Variants in DPP6 observed in about 807,000 individuals in gnomAD.
The protein encoded by DPP6 is A-type potassium channel modulatory protein DPP6.
A neutral mutation model predicts 122.6 loss-of-function variants in DPP6; 69 were observed. That is an observed-to-expected ratio of 0.56 (90% CI 0.46 to 0.69). The LOEUF (loss-of-function observed/expected upper bound fraction) is 0.69. Among genes scored for constraint, DPP6 ranks in the 30% least tolerant of loss-of-function variants. The pLI is 0.00. For missense variants in DPP6, 928 were observed against 1,116.9 expected (o/e 0.83, Z 2.41); for synonymous variants, 418 against 433.1 (o/e 0.97, Z 0.43).
intron 1 of DPP6, among the ~76,000 whole-genome samples, chr7:154,258,151 GA>G (rs1484489462): frequency 6.7e-6 from 1 of 149,626 alleles, no homozygotes; most frequent in Non-Finnish European, 1.5e-5. Flanking sequence ...GAGGGGAGGC[GA>G]GGGGAGGGGA....
intron 5 of DPP6, among the ~76,000 whole-genome samples, chr7:154,627,658 A>G (rs1835170584): frequency 6.6e-6 from 1 of 152,158 alleles, no homozygotes; most frequent in Non-Finnish European, 1.5e-5. Flanking sequence ...TCTAGGGAGG[A>G]CTGATTCATT....
rs1332367511 is a variant in DPP6, at chr7:154,403,406, T to C, written c.244-42808T>C. On this transcript the variant is annotated intron_variant, in intron 1 of 25. Coordinates refer to ENST00000377770, the MANE Select transcript of DPP6 (RefSeq NM_130797.4). The surrounding 1 kb of genome is among the most constrained non-coding windows in gnomAD (Gnocchi z 4.1). ...GACTGGAGTTGCGGTAGATGCCTCC[T>C]GGGTGTTGAAGAGTCCGAAGGATCC... Among the ~76,000 whole-genome samples the C allele has an allele frequency of 1.3e-5, 2 of 152,160 alleles. No individual in the cohort carries two copies. The highest frequency in any genetic ancestry group is 2.4e-5 in the African/African-American group (1 of 41,428).
At chr7:154,781,017 G>A (rs1328164896) in intron 10 of DPP6, among the ~76,000 whole-genome samples, 1 of 152,066 alleles carries the variant, frequency 6.6e-6, no homozygotes, top group African/African-American at 2.4e-5. Context: ...ATGATGGGTG[G>A]ATGGACGGAT....
At chr7:154,649,813 T>C (rs753794396) in intron 6 of DPP6, among the ~76,000 whole-genome samples, 16 of 152,050 alleles carry the variant, frequency 1.1e-4, no homozygotes, top group Non-Finnish European at 1.9e-4. Flanking sequence ...CGAAGACAAA[T>C]AGGAAATAAG....
chr7:154,492,449 G>T (rs1824360347), intron 3 of DPP6, among the ~76,000 whole-genome samples: 1 of 152,188 alleles, frequency 6.6e-6, no homozygotes, highest in Non-Finnish European at 1.5e-5. Flanking sequence ...AAGGACGTCT[G>T]TGGCCAGGTA....
chr7:154,769,260 A>G (rs1322513274), intron 8 of DPP6, among the ~76,000 whole-genome samples, 157 bp from the exon 9 acceptor site: 1 of 152,232 alleles, frequency 6.6e-6, no homozygotes, highest in Admixed American at 6.5e-5. Flanking sequence ...GAATGGAAGC[A>G]TGTGCAGAAC....
chr7:154,102,188 AT>A (rs1425291243), intron 1 of DPP6, among the ~76,000 whole-genome samples: 2 of 149,840 alleles, frequency 1.3e-5, no homozygotes, highest in Admixed American at 6.7e-5. Flanking sequence ...CTTAGCTTCC[AT>A]TTTTTTTTCT....
At chr7:154,777,312 A>G (rs1429432316) in intron 10 of DPP6, among the ~76,000 whole-genome samples, 3 of 152,146 alleles carry the variant, frequency 2.0e-5, no homozygotes, top group African/African-American at 7.2e-5. Flanking sequence ...GGTTTTGCAG[A>G]TGTCAGAAGG....
chr7:154,634,240 C>A (rs1192322836), intron 5 of DPP6, among the ~76,000 whole-genome samples: 3 of 147,404 alleles, frequency 2.0e-5, no homozygotes, highest in Admixed American at 1.4e-4. Context: ...CAATTCCCAC[C>A]TATGAGTCAG....
intron 1 of DPP6, among the ~76,000 whole-genome samples, chr7:154,322,755 A>G (rs930874330): frequency 6.6e-5 from 10 of 152,240 alleles, no homozygotes; most frequent in Non-Finnish European, 1.3e-4. Context: ...GAAGTGTCAT[A>G]TCCTGAGAGG....
At chr7:154,277,090 A>G (rs1248223697) in intron 1 of DPP6, among the ~76,000 whole-genome samples, 1 of 152,210 alleles carries the variant, frequency 6.6e-6, no homozygotes, top group African/African-American at 2.4e-5. Context: ...TTATAGTATG[A>G]GCTAAAGCAA....
the DPP6 span, among the ~76,000 whole-genome samples, chr7:153,821,771 C>T: frequency 3.3e-4 from 48 of 146,936 alleles, no homozygotes; most frequent in African/African-American, 1.0e-3. Flanking sequence ...AATGCAGCCA[C>T]GACCCTGGTG....
At chr7:154,820,173 G>C (rs966208719) in intron 16 of DPP6, among the ~76,000 whole-genome samples, 3 of 152,244 alleles carry the variant, frequency 2.0e-5, no homozygotes, top group African/African-American at 7.2e-5. Context: ...CTGGACGAGA[G>C]TATAGCCAAC....
At chr7:154,368,729 CAA>C (rs1447463053) in intron 1 of DPP6, among the ~76,000 whole-genome samples, 1 of 152,084 alleles carries the variant, frequency 6.6e-6, no homozygotes, top group Non-Finnish European at 1.5e-5. Context: ...AGTTGTTGAC[CAA>C]AGATTCATTA....
At chr7:154,490,577 C>T (rs1407376942) in intron 3 of DPP6, among the ~76,000 whole-genome samples, 1 of 152,236 alleles carries the variant, frequency 6.6e-6, no homozygotes, top group East Asian at 1.9e-4. Flanking sequence ...TCACTCCCAT[C>T]TCAAACACCT....
rs867264235 is a variant in DPP6, at chr7:153,975,565, T to A, written c.51+87831T>A. 4.4e-3 allele frequency among the ~76,000 whole-genome samples: 670 copies of A among 151,076 alleles called. 5 individuals carry two copies. The highest frequency in any genetic ancestry group is 0.015 in the African/African-American group (631 of 40,916). Reference sequence around the variant, plus strand: ...TATTTTCTAAAAAAAAAAAAGAAAATACTGCAATGAGAGTTCTATTTTTTT... The same window carrying A: ...TATTTTCTAAAAAAAAAAAAGAAAAAACTGCAATGAGAGTTCTATTTTTTT... On this transcript the variant is annotated intron_variant, in intron 1 of 25. Coordinates refer to the DPP6 transcript ENST00000404039.
At chr7:154,860,331 G>A (rs566844794) in intron 17 of DPP6, among the ~76,000 whole-genome samples, 5 of 152,280 alleles carry the variant, frequency 3.3e-5, no homozygotes, top group South Asian at 2.1e-4. Flanking sequence ...TCACTGTCAC[G>A]CTACACGCCA....
intron 1 of DPP6, among the ~76,000 whole-genome samples, chr7:153,925,405 C>G (rs1476618099): frequency 6.6e-6 from 1 of 151,614 alleles, no homozygotes; most frequent in Non-Finnish European, 1.5e-5. Context: ...TGGAGGGTCC[C>G]TGAGGTTCTG....
chr7:153,917,378 G>A (rs1184520385), intron 1 of DPP6, among the ~76,000 whole-genome samples: 2 of 152,208 alleles, frequency 1.3e-5, no homozygotes, highest in East Asian at 1.9e-4. Flanking sequence ...GTATGGGACT[G>A]TACAGATAGC....
Sources: allele counts gnomAD v4.1 joint callset (sites outside exome capture counted in the v4.1 genomes callset), GRCh38; gene constraint gnomAD v4.1.1; non-coding constraint Gnocchi (gnomAD v3.1); transcripts MANE v1.5; gene names NCBI Gene and HGNC (gene_info 2026-07-23, HGNC 2026-07-21).